The following PCDHGA8 variants were observed in gnomAD, a reference collection of about 807,000 sequenced individuals.
PCDHGA8 encodes the protein protocadherin gamma-A8.
Under a neutral mutation model 59.2 loss-of-function variants are expected in PCDHGA8, and 45 were observed. The observed-to-expected ratio is 0.76, with a 90% confidence interval of 0.60 to 0.98. The LOEUF (loss-of-function observed/expected upper bound fraction) is 0.98, where lower values mean the gene tolerates loss of function less well. Among genes scored for constraint, PCDHGA8 ranks in the 50% least tolerant of loss-of-function variants. The pLI is 0.00. For synonymous variants in PCDHGA8, 531 were observed against 519.0 expected (o/e 1.02, Z -0.32); for missense variants, 1,257 against 1,196.2 (o/e 1.05, Z -0.75).
chr5:141,398,738 A>G, intron 1 of PCDHGA8: 1 of 1,613,880 alleles, frequency 6.2e-7, no homozygotes, highest in Admixed American at 1.7e-5. Flanking sequence ...GACCGGGAAC[A>G]ACAGAGTTAC....
Position 141,511,913 on chromosome 5 carries a change from A to G in PCDHGA8, c.*740A>G, listed in dbSNP as rs1190072814. On this transcript the variant is annotated 3_prime_UTR_variant, in exon 4 of 4. Coordinates refer to ENST00000398604, the MANE Select transcript of PCDHGA8 (RefSeq NM_032088.2). ...CCCCCACCTCCTCCTCAAACAAGAG[A>G]CTCCACTGCATGTTCCAAGACAGTA... is the stretch of plus-strand genomic sequence containing the variant. The G allele has an allele frequency of 6.4e-6, 1 of 156,050 alleles. No individual in the cohort carries two copies. The highest frequency in any genetic ancestry group is 2.4e-5 in the African/African-American group (1 of 41,402). The allele number at this position is 156,050 out of a possible 1,614,324, so 9.7% of individuals were successfully genotyped here.
chr5:141,501,852 A>G (rs922276780), intron 2 of PCDHGA8, among the ~76,000 whole-genome samples: 2 of 151,924 alleles, frequency 1.3e-5, no homozygotes, highest in African/African-American at 4.8e-5. Context: ...TCAACCTTCA[A>G]CCATTTCCCA....
rs1361609314 is a variant in PCDHGA8 at position 141,423,642 on chromosome 5, TGACCC to T, written c.2424+28409_2424+28413del. 6 of 1,596,888 alleles carry T rather than the reference TGACCC, an allele frequency of 3.8e-6. No individual in the cohort carries two copies. In the South Asian group the frequency reaches 5.7e-5, roughly 15 times the overall value. ...ACTCAGCTATCATTTTAGGCAAATGTGACCCGACAAGTAATCAGGTGAGATTTATT... is the reference window on the plus strand; with the variant it reads ...ACTCAGCTATCATTTTAGGCAAATGTGACAAGTAATCAGGTGAGATTTATT... On this transcript the variant is annotated intron_variant, in intron 1 of 3. Transcript: ENST00000398604.
At chr5:141,415,438 C>A in intron 1 of PCDHGA8, 1 of 1,614,218 alleles carries the variant, frequency 6.2e-7, no homozygotes, top group South Asian at 1.1e-5. Flanking sequence ...GGCTTTCCTG[C>A]AGACCTATTC....
intron 1 of PCDHGA8, among the ~76,000 whole-genome samples, chr5:141,407,218 G>A (rs1056826116): frequency 1.3e-5 from 2 of 152,108 alleles, no homozygotes; most frequent in Admixed American, 6.5e-5. Flanking sequence ...CCTTAAGTGG[G>A]TAGCAAAAAA....
Position 141,491,954 on chromosome 5 carries a change from C to A in PCDHGA8, c.2425-2853C>A. ...TGGGACCGACCCCCACCCCTACACT[C>A]AAAAAAGGCCGGGGCCTCCTTCGAG... On this transcript the variant is annotated intron_variant, in intron 1 of 3. Transcript: ENST00000398604. This position sits in a 1 kb window ranked among gnomAD's most constrained non-coding sequence, Gnocchi z 6.9. The A allele has an allele frequency of 9.7e-7, 1 of 1,032,914 alleles. No individual in the cohort carries two copies. Among genetic ancestry groups the A allele is most frequent in the Non-Finnish European group, 1.3e-6 (1 of 747,256 alleles). The allele number at this position is 1,032,914 out of a possible 1,614,324, so 64.0% of individuals were successfully genotyped here.
intron 1 of PCDHGA8, among the ~76,000 whole-genome samples, chr5:141,450,112 T>G (rs2098669735): frequency 6.6e-6 from 1 of 150,618 alleles, no homozygotes; most frequent in Non-Finnish European, 1.5e-5. Context: ...GTTCAAATGA[T>G]TCTCCTGCCT....
chr5:141,430,930 G>A, intron 1 of PCDHGA8: 2 of 1,607,320 alleles, frequency 1.2e-6, no homozygotes, highest in Non-Finnish European at 1.7e-6. Context: ...TGGAGCCCCG[G>A]GAGCTCGCGG....
intron 1 of PCDHGA8, chr5:141,398,997 G>A: frequency 6.2e-7 from 1 of 1,613,934 alleles, no homozygotes; most frequent in Non-Finnish European, 8.5e-7. Flanking sequence ...TCTTTAGTCT[G>A]AATTCAAAGA....
At chr5:141,472,369 G>A (rs1194465676) in intron 1 of PCDHGA8, among the ~76,000 whole-genome samples, 2 of 151,770 alleles carry the variant, frequency 1.3e-5, no homozygotes, top group Admixed American at 6.6e-5. Flanking sequence ...GTGAAACCCC[G>A]TCTCCACTAA....
Position 141,394,925 on chromosome 5 carries a change from C to T in PCDHGA8, c.2112C>T (p.Phe704=), listed in dbSNP as rs771405918. ...CAGTGGCTGCCATCTCCTGTGTCTT[C>T]CTCGCCTTTGTCGCTGTGCTTCTGG... ...VVAVAAISCV[F]LAFVAVLLGL... Residue 704 remains phenylalanine, a synonymous_variant, in exon 1 of 4, where the codon TTC becomes TTT. Transcript: ENST00000398604. The T allele has an allele frequency of 5.6e-6, 9 of 1,613,696 alleles. No individual in the cohort carries two copies. Among genetic ancestry groups the T allele is most frequent in the South Asian group, 1.1e-5 (1 of 91,086 alleles).
At chr5:141,423,398 G>T in intron 1 of PCDHGA8, 7 of 1,614,172 alleles carry the variant, frequency 4.3e-6, no homozygotes, top group Non-Finnish European at 5.9e-6. Flanking sequence ...CATAAGTCAC[G>T]CCTGCTGCAG....
In PCDHGA8 at chr5:141,511,032, G is replaced by A; in HGVS notation, c.2658G>A (p.Gln886=). 1.2e-6 allele frequency: 2 copies of A among 1,614,228 alleles called. No homozygotes were observed. The highest frequency in any genetic ancestry group is 2.2e-5 in the East Asian group (1 of 44,888). The change falls in exon 4 of 4, where the codon CAG becomes CAA. Residue 886 remains glutamine, a synonymous_variant. Transcript: ENST00000398604. Reference sequence around the variant, plus strand: ...GCTACGGACCCCAGTTCACCCTGCAGCACGTGCCCGACTACCGCCAGAATG... The same window carrying A: ...GCTACGGACCCCAGTTCACCCTGCAACACGTGCCCGACTACCGCCAGAATG... ...SARYGPQFTL[Q]HVPDYRQNVY...
intron 2 of PCDHGA8, among the ~76,000 whole-genome samples, 199 bp downstream of exon 2, chr5:141,495,064 C>T (rs563712352): frequency 6.6e-6 from 1 of 152,296 alleles, no homozygotes; most frequent in South Asian, 2.1e-4. Context: ...GTTCAGGAAG[C>T]TCAATTCACA....
At chr5:141,424,129 T>G in intron 1 of PCDHGA8, 1 of 492,066 alleles carries the variant, frequency 2.0e-6, no homozygotes, top group Non-Finnish European at 2.7e-6. Context: ...TCCTGTTGAT[T>G]TAATAGCATG....
intron 1 of PCDHGA8, chr5:141,413,855 C>A: frequency 3.7e-6 from 6 of 1,613,324 alleles, no homozygotes; most frequent in Non-Finnish European, 5.1e-6. Flanking sequence ...CCTCTCCGAT[C>A]TGGCACTGTC....
At chr5:141,433,246 T>C (rs775015156) in intron 1 of PCDHGA8, 1 of 1,462,358 alleles carries the variant, frequency 6.8e-7, no homozygotes, top group Non-Finnish European at 9.3e-7. Flanking sequence ...CAAGCTGGAA[T>C]GCAGCGGTAC....
At chr5:141,437,796 G>A (rs2097911691) in intron 1 of PCDHGA8, among the ~76,000 whole-genome samples, 1 of 150,348 alleles carries the variant, frequency 6.7e-6, no homozygotes, top group South Asian at 2.1e-4. Context: ...GGAGTGCAGT[G>A]GCACTATCTT....
intron 2 of PCDHGA8, among the ~76,000 whole-genome samples, chr5:141,499,209 C>G (rs1171702973): frequency 6.6e-6 from 1 of 152,096 alleles, no homozygotes; most frequent in Admixed American, 6.5e-5. Context: ...GGCTGTAACC[C>G]AGGCCCTGCC....
Sources: gnomAD v4.1 joint callset for allele counts (sites outside exome capture counted in the v4.1 genomes callset) on GRCh38, gnomAD v4.1.1 for gene constraint, Gnocchi (gnomAD v3.1) non-coding constraint, MANE v1.5 for transcripts, NCBI Gene and HGNC (gene_info 2026-07-23, HGNC 2026-07-21) for gene names.